The following CUBN variants were observed in gnomAD, a reference collection of about 807,000 sequenced individuals.
The protein encoded by CUBN is 460 kDa receptor.
A neutral mutation model predicts 405.3 loss-of-function variants in CUBN; 282 were observed. The ratio of observed to expected loss-of-function variants is 0.70; its 90% CI spans 0.63 to 0.77. The LOEUF (loss-of-function observed/expected upper bound fraction) is 0.77. Ranked by LOEUF, CUBN falls within the 30% of genes least tolerant of loss-of-function variation. The pLI is 0.00. For synonymous variants in CUBN, 1,684 were observed against 1,617.0 expected, an observed-to-expected ratio of 1.04 and a Z score of -0.99; for missense variants, 4,514 against 4,475.2, an observed-to-expected ratio of 1.01 and a Z score of -0.25.
rs1481845198 is a variant in CUBN at position 16,841,130 on chromosome 10, T to C, written c.9664-83A>G. On this transcript the variant is annotated intron_variant, in intron 60 of 66. Coordinates refer to ENST00000377833, the MANE Select transcript of CUBN (RefSeq NM_001081.4). ...CACTAAATTGGACGCGAAGTTGCAA[T>C]AGGTCACGGTAAACATTTTTACATT... The C allele has an allele frequency of 9.5e-6, 11 of 1,153,030 alleles. No individual in the cohort carries two copies. In the African/African-American group the frequency reaches 1.2e-4, roughly 13 times the overall value. 71.4% of individuals were successfully genotyped at this position (1,153,030 alleles called of 1,614,324 possible).
At chr10:16,943,274 G>A (rs1842705786) in intron 36 of CUBN, among the ~76,000 whole-genome samples, 1 of 152,158 alleles carries the variant, frequency 6.6e-6, no homozygotes, top group Admixed American at 6.5e-5. Flanking sequence ...ACCAAGGTGG[G>A]TCACTACAGT....
At chr10:17,088,697 A>G (rs970267329) in intron 14 of CUBN, among the ~76,000 whole-genome samples, 1 of 152,254 alleles carries the variant, frequency 6.6e-6, no homozygotes, top group African/African-American at 2.4e-5. Flanking sequence ...ATTGTAAAGA[A>G]TTCCAGAACT....
At position 16,937,728 on chromosome 10, in the gene CUBN, C is replaced by T; in HGVS notation, c.5790G>A (p.Gln1930=). The T allele has an allele frequency of 6.2e-7, 1 of 1,614,088 alleles. No homozygotes were observed. The highest frequency in any genetic ancestry group is 8.5e-7 in the Non-Finnish European group (1 of 1,180,000). Residue 1930 remains glutamine (Q), a synonymous_variant, in exon 39 of 67, where the codon CAG becomes CAA. Transcript: ENST00000377833. ...ARLIGAYCGT[Q]TESFSSTGNS... is the part of the protein sequence containing the mutation. ...TTCCAGTGGAGCTGAAAGATTCAGTCTGGGTACCACAGTAAGCTCCAATTA... is the reference window on the plus strand; with the variant it reads ...TTCCAGTGGAGCTGAAAGATTCAGTTTGGGTACCACAGTAAGCTCCAATTA...
intron 56 of CUBN, 29 bp from the exon 57 acceptor site, chr10:16,877,126 T>C: frequency 6.3e-7 from 1 of 1,594,444 alleles, no homozygotes; most frequent in Non-Finnish European, 8.6e-7. Flanking sequence ...AACCGCATTA[T>C]GATCAGAACC....
chr10:16,904,353 A>G (rs1427786478), intron 50 of CUBN, among the ~76,000 whole-genome samples: 1 of 152,242 alleles, frequency 6.6e-6, no homozygotes, highest in Middle Eastern at 3.2e-3. Flanking sequence ...TATGATGGAC[A>G]CCATTTTGTT....
intron 31 of CUBN, among the ~76,000 whole-genome samples, chr10:16,961,726 T>TG (rs1843223632): frequency 1.5e-5 from 2 of 136,260 alleles, no homozygotes; most frequent in East Asian, 4.0e-4. Flanking sequence ...TTTTTTTTTT[T>TG]TTTGAGACGG....
chr10:17,021,970 C>G (rs775817527), intron 27 of CUBN, among the ~76,000 whole-genome samples: 2 of 152,274 alleles, frequency 1.3e-5, no homozygotes, highest in African/African-American at 2.4e-5. Context: ...CCATGCATCT[C>G]CAATGAATGA....
intron 22 of CUBN, among the ~76,000 whole-genome samples, chr10:17,054,468 T>C (rs1461552157): frequency 6.6e-6 from 1 of 151,416 alleles, no homozygotes; most frequent in African/African-American, 2.4e-5. Flanking sequence ...TGAAATAATA[T>C]AAGAACAGAA....
rs1201974011 is a variant in CUBN, at chr10:16,863,171, TC to T, written c.9454+6464del. On this transcript the variant is annotated intron_variant, in intron 59 of 66. Transcript: ENST00000377833. ...CATTCTCAGCTCAGCAAAAAACCTTTCCCCATAAAACCCACAAAGAATAACG... is the reference window on the plus strand; with the variant it reads ...CATTCTCAGCTCAGCAAAAAACCTTTCCCATAAAACCCACAAAGAATAACG... 1.8e-4 allele frequency among the ~76,000 whole-genome samples: 28 copies of T among 152,312 alleles called. 1 individual carries two copies. Among genetic ancestry groups the T allele is most frequent in the Admixed American group, 1.2e-3 (19 of 15,302 alleles).
chr10:17,129,752 G>C lies in CUBN; in HGVS notation c.14C>G (p.Ser5Cys), dbSNP rs1837276776. The change falls in exon 1 of 67, where the codon TCT becomes TGT. Residue 5 changes from serine (S) to cysteine (C), a missense_variant. By Grantham distance (112) the Ser-to-Cys change is moderately radical. Coordinates refer to ENST00000377833, the MANE Select transcript of CUBN (RefSeq NM_001081.4). The stretch of plus-strand genomic sequence containing the variant: ...AAGCAAACTCCAAAGAAAAGGTAAA[G>C]ACATGTTCATCATCAACCTCCCAGG... MMNM[S>C]LPFLWSLLTL... The C allele has an allele frequency of 1.9e-6, 3 of 1,614,066 alleles. No individual in the cohort carries two copies. The highest frequency in any genetic ancestry group is 1.7e-4 in the Middle Eastern group (1 of 6,060).
chr10:16,876,203 G>A (rs963597832), intron 57 of CUBN, among the ~76,000 whole-genome samples: 1 of 152,222 alleles, frequency 6.6e-6, no homozygotes, highest in Non-Finnish European at 1.5e-5. Context: ...AGATTTGTGT[G>A]CCAGTTTGAC....
At chr10:17,111,656 G>A (rs1836775047) in intron 8 of CUBN, among the ~76,000 whole-genome samples, 1 of 152,180 alleles carries the variant, frequency 6.6e-6, no homozygotes, top group Non-Finnish European at 1.5e-5. Context: ...GGGCAAGGTG[G>A]CTCATGCCTG....
chr10:17,068,636 A>T lies in CUBN; in HGVS notation c.2760T>A (p.Gly920=). 1 of 1,613,276 alleles carries T rather than the reference A, an allele frequency of 6.2e-7. No individual in the cohort carries two copies. Among genetic ancestry groups the T allele is most frequent in the Non-Finnish European group, 8.5e-7 (1 of 1,179,440 alleles). Reference sequence around the variant, plus strand: ...CCTCAGCACTGAACTTAGCCATGAAACCATGGTTTTCAGTAGAAGAACTTT... The same window carrying T: ...CCTCAGCACTGAACTTAGCCATGAATCCATGGTTTTCAGTAGAAGAACTTT... The part of the protein sequence containing the change: ...FVKSSSTENH[G]FMAKFSAEDL... The change falls in exon 20 of 67, where the codon GGT becomes GGA. Residue 920 remains glycine, a synonymous_variant. Coordinates refer to ENST00000377833, the MANE Select transcript of CUBN (RefSeq NM_001081.4).
chr10:17,125,629 A>C (rs1164412368), intron 4 of CUBN, among the ~76,000 whole-genome samples: 1 of 152,228 alleles, frequency 6.6e-6, no homozygotes, highest in Non-Finnish European at 1.5e-5. Context: ...AAATGAAATC[A>C]GGAGTCAGGA....
intron 17 of CUBN, 64 bp downstream of exon 17, chr10:17,084,207 C>T: frequency 6.6e-7 from 1 of 1,523,762 alleles, no homozygotes; most frequent in Non-Finnish European, 9.1e-7. Flanking sequence ...TGAAGACCAC[C>T]ACTCTGCAGA....
chr10:17,047,463 A>C lies in CUBN; in HGVS notation c.3280T>G (p.Ser1094Ala). ...TAGTTTCCAATGGCTTCCTCCAAGG[A>C]GAAGTTTGTGAAGTGCACTGCAATC... ...QLIAVHFTNF[S>A]LEEAIGNYYT... Residue 1094 changes from serine to alanine, a missense_variant, in exon 23 of 67, where the codon TCC (serine) becomes GCC (alanine). Physicochemically the swap from Ser to Ala is moderately conservative, Grantham distance 99 (BLOSUM62 1). This residue lies in a region of CUBN where 1,448 missense variants were observed against 1,388.0 expected (regional missense o/e 1.04). Coordinates refer to ENST00000377833, the MANE Select transcript of CUBN (RefSeq NM_001081.4). The C allele has an allele frequency of 6.2e-7, 1 of 1,614,078 alleles. No individual in the cohort carries two copies. Among genetic ancestry groups the C allele is most frequent in the African/African-American group, 1.3e-5 (1 of 75,062 alleles).
At chr10:16,893,757 C>T (rs1343807178) in intron 54 of CUBN, among the ~76,000 whole-genome samples, 1 of 152,136 alleles carries the variant, frequency 6.6e-6, no homozygotes, top group Non-Finnish European at 1.5e-5. Context: ...ATTTGTTTAA[C>T]CATTCACCTG....
At chr10:17,088,136 T>C (rs764315937) in intron 15 of CUBN, 28 bp downstream of exon 15, 3 of 1,570,622 alleles carry the variant, frequency 1.9e-6, no homozygotes, top group Non-Finnish European at 2.6e-6. Context: ...CATATTGTGA[T>C]ATGTTCTATC....
intron 33 of CUBN, 68 bp downstream of exon 33, chr10:16,952,208 C>A: frequency 8.9e-7 from 1 of 1,123,682 alleles, no homozygotes; most frequent in African/African-American, 1.5e-5. Flanking sequence ...GAAGGTTACT[C>A]ATAGACTGAC....
Sources: allele counts gnomAD v4.1 joint callset (sites outside exome capture counted in the v4.1 genomes callset), GRCh38; gene constraint gnomAD v4.1.1; regional missense constraint gnomAD v4.1.1; transcripts MANE v1.5; gene names NCBI Gene and HGNC (gene_info 2026-07-23, HGNC 2026-07-21).